C12orf42: variants seen among roughly 807,000 people sequenced by gnomAD.
The protein encoded by C12orf42 is uncharacterized protein C12orf42.
C12orf42 carries 25 observed loss-of-function variants against 21.6 expected under a neutral mutation model. That is an observed-to-expected ratio of 1.16 (90% confidence interval 0.84 to 1.62). The LOEUF is 1.62. Among genes scored for constraint, C12orf42 ranks in the 40% most tolerant of loss-of-function variants. C12orf42 has a pLI of 0.00. For missense variants in C12orf42, 483 were observed against 459.3 expected (o/e 1.05, Z -0.47); for synonymous variants, 174 against 175.0 (o/e 0.99, Z 0.05).
At chr12:103,509,874 C>A in the C12orf42 span, among the ~76,000 whole-genome samples, 20 of 152,206 alleles carry the variant, frequency 1.3e-4, no homozygotes, top group African/African-American at 4.3e-4. Flanking sequence ...GGCAGGGATG[C>A]GGTGAAAAGG....
the C12orf42 span, among the ~76,000 whole-genome samples, chr12:103,168,619 T>C: frequency 6.6e-6 from 1 of 152,160 alleles, no homozygotes; most frequent in South Asian, 2.1e-4. Flanking sequence ...TCAGACACCA[T>C]TCTAAGTTTA....
the C12orf42 span, among the ~76,000 whole-genome samples, chr12:103,113,522 G>GTTTGAGAAAAAAATTTCTCAAAT: frequency 0.012 from 1,785 of 152,122 alleles, 32 homozygotes; most frequent in African/African-American, 0.041. Context: ...CTAAAGTTTT[G>GTTTGAGAAAAAAATTTCTCAAAT]GTTTTCAACA....
intron 2 of C12orf42, among the ~76,000 whole-genome samples, chr12:103,461,805 CT>C (rs932887594): frequency 6.6e-6 from 1 of 152,110 alleles, no homozygotes; most frequent in African/African-American, 2.4e-5. Context: ...ATTTCTACAA[CT>C]AGAAAACTGG....
chr12:103,225,121 G>A, the C12orf42 span, among the ~76,000 whole-genome samples: 2 of 152,234 alleles, frequency 1.3e-5, no homozygotes, highest in South Asian at 4.1e-4. Flanking sequence ...AGAGAGGCTG[G>A]GACAAGGGGT....
At chr12:103,085,594 A>G in the C12orf42 span, among the ~76,000 whole-genome samples, 1 of 152,092 alleles carries the variant, frequency 6.6e-6, no homozygotes, top group Admixed American at 6.5e-5. Context: ...CCTCCGCTCA[A>G]ATTAAAAAAG....
the C12orf42 span, among the ~76,000 whole-genome samples, chr12:103,154,170 T>C: frequency 6.6e-6 from 1 of 152,118 alleles, no homozygotes; most frequent in East Asian, 1.9e-4. Context: ...GCTACTCTTG[T>C]AGAAGGCAGG....
the C12orf42 span, among the ~76,000 whole-genome samples, chr12:103,533,022 T>G: frequency 6.6e-6 from 1 of 152,204 alleles, no homozygotes; most frequent in African/African-American, 2.4e-5. Flanking sequence ...GTTCAGTCCT[T>G]GACAGAATAT....
chr12:103,497,536 G>A (rs1247772846), upstream of C12orf42, among the ~76,000 whole-genome samples: 2 of 152,176 alleles, frequency 1.3e-5, no homozygotes, highest in African/African-American at 4.8e-5. Context: ...TCACAGAGGT[G>A]CAGCTTTGCA....
chr12:103,428,997 C>A (rs1950061841), intron 2 of C12orf42, among the ~76,000 whole-genome samples: 1 of 152,130 alleles, frequency 6.6e-6, no homozygotes, highest in Admixed American at 6.5e-5. Flanking sequence ...TTATGACAAA[C>A]CCACAGCCAA....
chr12:103,100,043 G>A, the C12orf42 span, among the ~76,000 whole-genome samples: 1 of 152,268 alleles, frequency 6.6e-6, no homozygotes, highest in African/African-American at 2.4e-5. Flanking sequence ...TGCTCAAAGT[G>A]CATTTTTAGT....
At chr12:103,459,758 C>G (rs1392330757) in intron 2 of C12orf42, among the ~76,000 whole-genome samples, 1 of 152,164 alleles carries the variant, frequency 6.6e-6, no homozygotes, top group East Asian at 1.9e-4. Flanking sequence ...TTAGATAAAG[C>G]CAAACTGCAA....
At chr12:103,507,489 G>A in the C12orf42 span, among the ~76,000 whole-genome samples, 1 of 142,702 alleles carries the variant, frequency 7.0e-6, no homozygotes, top group African/African-American at 2.6e-5. Context: ...GGGTAACATA[G>A]TGATACCCCA....
chr12:103,270,584 T>G (rs899135063), intron 5 of C12orf42, among the ~76,000 whole-genome samples: 1 of 147,796 alleles, frequency 6.8e-6, no homozygotes, highest in Admixed American at 6.8e-5. Flanking sequence ...TTATTTATTT[T>G]ATTATTATTA....
At chr12:103,265,445 T>G (rs2035117637), downstream of C12orf42, among the ~76,000 whole-genome samples, 1 of 152,204 alleles carries the variant, frequency 6.6e-6, no homozygotes, top group South Asian at 2.1e-4. Context: ...ATTTTAAATC[T>G]ATTTCATTCT....
chr12:103,504,222 C>A, the C12orf42 span: 3,773 of 153,748 alleles, frequency 0.025, 151 homozygotes, highest in East Asian at 0.18. Flanking sequence ...ATGGGACCAC[C>A]CTGATCCAAC....
the C12orf42 span, among the ~76,000 whole-genome samples, chr12:103,071,979 C>A: frequency 2.6e-5 from 4 of 152,170 alleles, no homozygotes; most frequent in African/African-American, 9.6e-5. Context: ...AAACAGTGTA[C>A]ATAGCATGTA....
chr12:103,528,831 GC>G, the C12orf42 span, among the ~76,000 whole-genome samples: 1 of 152,204 alleles, frequency 6.6e-6, no homozygotes, highest in Non-Finnish European at 1.5e-5. Context: ...TACACTGGAT[GC>G]TTTCACAGAC....
Position 103,486,375 on chromosome 12 carries a change from C to T in C12orf42, c.-21-7928G>A, listed in dbSNP as rs540150571. Among the ~76,000 whole-genome samples, 5 of 152,144 alleles carry T rather than the reference C, an allele frequency of 3.3e-5. No individual in the cohort carries two copies. The South Asian group carries it at 1.0e-3, about 32-fold the overall frequency. On this transcript the variant is annotated intron_variant, in intron 1 of 5. Transcript: ENST00000548883. ...CGGTGTGCTGCTGGATTCGGTTTGCCAGTATTTTATTGAGGATTTTTGCAT... is the reference window on the plus strand; with the variant it reads ...CGGTGTGCTGCTGGATTCGGTTTGCTAGTATTTTATTGAGGATTTTTGCAT...
intron 4 of C12orf42, among the ~76,000 whole-genome samples, chr12:103,337,025 AG>A (rs2041758705): frequency 6.6e-6 from 1 of 152,200 alleles, no homozygotes; most frequent in Non-Finnish European, 1.5e-5. Context: ...ACTGCACTTA[AG>A]GGAAATACTT....
Sources: gnomAD v4.1 joint callset for allele counts (sites outside exome capture counted in the v4.1 genomes callset) on GRCh38, gnomAD v4.1.1 for gene constraint, MANE v1.5 for transcripts, NCBI Gene and HGNC (gene_info 2026-07-23, HGNC 2026-07-21) for gene names.